ROBO1: variants seen among roughly 807,000 people sequenced by gnomAD.
The protein encoded by ROBO1 is roundabout homolog 1.
In ROBO1, 149 loss-of-function variants were observed where a neutral mutation model predicts 195.9. That is an observed-to-expected ratio of 0.76 (90% CI 0.67 to 0.87). The LOEUF (loss-of-function observed/expected upper bound fraction) is 0.87. Ranked by LOEUF, ROBO1 falls within the 40% of genes least tolerant of loss-of-function variation. ROBO1 has a pLI of 0.00. For missense variants in ROBO1, 1,933 were observed against 2,068.3 expected, an observed-to-expected ratio of 0.93 and a Z score of 1.27; for synonymous variants, 816 against 733.2, an observed-to-expected ratio of 1.11 and a Z score of -1.82.
chr3:79,445,045 T>C (rs760473045), intron 2 of ROBO1, among the ~76,000 whole-genome samples: 1 of 152,020 alleles, frequency 6.6e-6, no homozygotes, highest in Non-Finnish European at 1.5e-5. Context: ...CTGGTAATCA[T>C]TGTTTTTTTA....
intron 21 of ROBO1, among the ~76,000 whole-genome samples, 175 bp from the exon 22 acceptor site, chr3:78,640,073 T>A (rs1181305292): frequency 6.6e-6 from 1 of 152,180 alleles, no homozygotes. Flanking sequence ...TATAAGGTTC[T>A]GGGATGTGCC....
At chr3:79,145,407 A>G (rs1385806387) in intron 2 of ROBO1, among the ~76,000 whole-genome samples, 2 of 150,342 alleles carry the variant, frequency 1.3e-5, no homozygotes, top group South Asian at 2.1e-4. Context: ...ACACACACAG[A>G]CATAAATAAC....
intron 2 of ROBO1, among the ~76,000 whole-genome samples, chr3:79,520,388 A>G (rs1399890150): frequency 6.6e-6 from 1 of 152,164 alleles, no homozygotes; most frequent in African/African-American, 2.4e-5. Flanking sequence ...ATGGTAAGAA[A>G]AAGGAGAGTC....
chr3:78,890,469 TAG>T (rs1162220175), intron 4 of ROBO1, among the ~76,000 whole-genome samples: 1 of 152,096 alleles, frequency 6.6e-6, no homozygotes, highest in Non-Finnish European at 1.5e-5. Flanking sequence ...ACCCGACTTC[TAG>T]ACTTCAGAAC....
intron 2 of ROBO1, among the ~76,000 whole-genome samples, chr3:79,380,277 C>A (rs985621346): frequency 7.2e-5 from 11 of 152,072 alleles, no homozygotes; most frequent in African/African-American, 2.7e-4. Flanking sequence ...AAAACTCTAT[C>A]TTTCCCAAGA....
chr3:79,575,772 C>A (rs1390821292), intron 2 of ROBO1, among the ~76,000 whole-genome samples: 1 of 151,180 alleles, frequency 6.6e-6, no homozygotes, highest in Non-Finnish European at 1.5e-5. Flanking sequence ...TTAACATAGT[C>A]ATCTTGCTAA....
intron 2 of ROBO1, among the ~76,000 whole-genome samples, chr3:79,126,019 G>A (rs1284690042): frequency 6.6e-6 from 1 of 152,190 alleles, no homozygotes; most frequent in Non-Finnish European, 1.5e-5. Flanking sequence ...CAGGGAGGAT[G>A]TGGGGAAAAA....
At chr3:78,731,124 CTG>C (rs2082276526) in intron 5 of ROBO1, among the ~76,000 whole-genome samples, 1 of 152,020 alleles carries the variant, frequency 6.6e-6, no homozygotes, top group Admixed American at 6.6e-5. Flanking sequence ...ATTGTAAAAA[CTG>C]TTTGGAGGGA....
intron 2 of ROBO1, among the ~76,000 whole-genome samples, chr3:79,534,009 C>T (rs1384995934): frequency 6.6e-6 from 1 of 151,846 alleles, no homozygotes; most frequent in Non-Finnish European, 1.5e-5. Flanking sequence ...AGTGTGCTCA[C>T]GAGGGTCCTT....
chr3:79,076,695 G>A (rs2079179762), intron 3 of ROBO1, among the ~76,000 whole-genome samples: 1 of 151,602 alleles, frequency 6.6e-6, no homozygotes, highest in Non-Finnish European at 1.5e-5. Flanking sequence ...GAATTTCTAG[G>A]GAGGAAGAAT....
At chr3:79,495,104 G>A (rs185685566) in intron 2 of ROBO1, among the ~76,000 whole-genome samples, 46 of 152,176 alleles carry the variant, frequency 3.0e-4, no homozygotes, top group African/African-American at 1.1e-3. Context: ...ATTTTTAAAA[G>A]CATGATTATA....
chr3:79,594,531 G>T (rs1393694696), intron 1 of ROBO1, among the ~76,000 whole-genome samples: 3 of 152,088 alleles, frequency 2.0e-5, no homozygotes, highest in South Asian at 4.2e-4. Flanking sequence ...TTACTTGTAA[G>T]TTATAAGTGT....
chr3:79,105,513 C>A (rs184824888), intron 3 of ROBO1, among the ~76,000 whole-genome samples: 50 of 151,582 alleles, frequency 3.3e-4, no homozygotes, highest in African/African-American at 1.1e-3. Context: ...GTTTACTTAA[C>A]CTATAGGTGA....
chr3:79,529,341 C>T (rs1008637402), intron 2 of ROBO1, among the ~76,000 whole-genome samples: 6 of 152,034 alleles, frequency 3.9e-5, no homozygotes, highest in African/African-American at 1.4e-4. Flanking sequence ...AAAAAATTAG[C>T]TAGGCCTTTA....
intron 7 of ROBO1, 75 bp downstream of exon 7, chr3:78,717,200 G>T: frequency 1.4e-6 from 2 of 1,433,438 alleles, no homozygotes; most frequent in Non-Finnish European, 1.9e-6. Flanking sequence ...CTAATGGCCC[G>T]GATGTGGAGA....
intron 10 of ROBO1, among the ~76,000 whole-genome samples, chr3:78,674,988 G>C (rs950920097): frequency 1.3e-5 from 2 of 151,808 alleles, no homozygotes; most frequent in African/African-American, 4.9e-5. Context: ...ATGTACTTAA[G>C]ACATTATAAA....
chr3:79,714,097 A>G (rs547345713), intron 1 of ROBO1, among the ~76,000 whole-genome samples: 4 of 152,120 alleles, frequency 2.6e-5, no homozygotes, highest in Non-Finnish European at 4.4e-5. Context: ...CAACCTACTC[A>G]TCTGACAAAG....
At chr3:79,285,117 G>C (rs73122554) in intron 2 of ROBO1, among the ~76,000 whole-genome samples, 14,634 of 151,970 alleles carry the variant, frequency 0.096, 783 homozygotes, top group Middle Eastern at 0.14. Flanking sequence ...AACTTTCTCA[G>C]TAATTTATAA....
At chr3:79,161,398 CAT>C (rs1302671461) in intron 2 of ROBO1, among the ~76,000 whole-genome samples, 9 of 151,958 alleles carry the variant, frequency 5.9e-5, no homozygotes, top group African/African-American at 2.2e-4. Context: ...TTTTATTAAA[CAT>C]ATCAATTTTT....
Sources: gnomAD v4.1 joint callset for allele counts (sites outside exome capture counted in the v4.1 genomes callset) on GRCh38, gnomAD v4.1.1 for gene constraint, MANE v1.5 for transcripts, NCBI Gene and HGNC (gene_info 2026-07-23, HGNC 2026-07-21) for gene names.